Variants in TMEM135 observed in about 807,000 individuals in gnomAD.
TMEM135 encodes the protein transmembrane protein 135.
In TMEM135, 30 loss-of-function variants were observed where a neutral mutation model predicts 60.3. The observed-to-expected ratio is 0.50, with a 90% CI of 0.37 to 0.68. The LOEUF (loss-of-function observed/expected upper bound fraction) is 0.68. TMEM135 is among the 30% of genes least tolerant of loss of function. The pLI, the probability that TMEM135 is intolerant of heterozygous loss-of-function variation, is 0.00. For synonymous variants in TMEM135, 190 were observed against 186.7 expected, an observed-to-expected ratio of 1.02 and a Z score of -0.14; for missense variants, 468 against 548.8, an observed-to-expected ratio of 0.85 and a Z score of 1.47.
At chr11:87,140,589 T>C (rs950380213) in intron 4 of TMEM135, among the ~76,000 whole-genome samples, 2 of 152,188 alleles carry the variant, frequency 1.3e-5, no homozygotes, top group African/African-American at 4.8e-5. Context: ...AAGAAGCACA[T>C]GTGGGATAGG....
At position 87,189,229 on chromosome 11, in the gene TMEM135, C is replaced by T. The variant is rs187306066; in HGVS notation, c.462+31823C>T. 2.7e-5 allele frequency among the ~76,000 whole-genome samples: 4 copies of T among 150,056 alleles called. No individual in the cohort carries two copies. In the East Asian group the frequency reaches 5.9e-4, roughly 22 times the overall value. On this transcript the variant is annotated intron_variant, in intron 5 of 14. Coordinates refer to ENST00000305494, the MANE Select transcript of TMEM135 (RefSeq NM_022918.4). ...AGGCTGGAGTACAGTGGTGTGATCT[C>T]GGCTCACTGCAACCTCTGCTTCCCG...
At chr11:87,210,461 C>G (rs559468906) in intron 5 of TMEM135, among the ~76,000 whole-genome samples, 1 of 152,100 alleles carries the variant, frequency 6.6e-6, no homozygotes, top group African/African-American at 2.4e-5. Flanking sequence ...AAGATTGAAC[C>G]AAGAAGAAAT....
chr11:87,209,077 G>T (rs1322571351), intron 5 of TMEM135, among the ~76,000 whole-genome samples: 2 of 152,130 alleles, frequency 1.3e-5, no homozygotes, highest in South Asian at 2.1e-4. Context: ...ACATGGAAAA[G>T]AAAGAAAGAT....
At chr11:87,147,092 CAG>C (rs933051922) in intron 4 of TMEM135, among the ~76,000 whole-genome samples, 1 of 152,104 alleles carries the variant, frequency 6.6e-6, no homozygotes, top group Non-Finnish European at 1.5e-5. Flanking sequence ...GAAGCCGAGA[CAG>C]GGGGATCACC....
Position 87,045,476 on chromosome 11 carries a change from A to C in TMEM135, c.141+7290A>C, listed in dbSNP as rs925895832. Among the ~76,000 whole-genome samples the C allele has an allele frequency of 2.0e-5, 3 of 151,558 alleles. No individual in the cohort carries two copies. In the South Asian group the frequency reaches 6.2e-4, roughly 31 times the overall value. The stretch of plus-strand genomic sequence containing the variant: ...TTCTCAACTCACTGTTTTCTGTAGC[A>C]GCTAACTCTGAGTAGAGCAGGCCAA... On this transcript the variant is annotated intron_variant, in intron 1 of 14. Coordinates refer to ENST00000305494, the MANE Select transcript of TMEM135 (RefSeq NM_022918.4).
chr11:87,041,617 G>C (rs911580050), intron 1 of TMEM135, among the ~76,000 whole-genome samples: 7 of 152,130 alleles, frequency 4.6e-5, no homozygotes, highest in Non-Finnish European at 7.4e-5. Context: ...TTTAAGGTCT[G>C]TTGTGAGGAG....
At chr11:87,266,776 G>A (rs181065278) in intron 6 of TMEM135, among the ~76,000 whole-genome samples, 5 of 152,168 alleles carry the variant, frequency 3.3e-5, no homozygotes, top group Admixed American at 1.3e-4. Context: ...AGGGTCAAAG[G>A]CCTGAAGAGA....
intron 4 of TMEM135, among the ~76,000 whole-genome samples, chr11:87,131,644 G>T (rs571205818): frequency 6.6e-6 from 1 of 152,258 alleles, no homozygotes; most frequent in South Asian, 2.1e-4. Context: ...TACCTGATTT[G>T]TGATCCTGAG....
intron 3 of TMEM135, among the ~76,000 whole-genome samples, chr11:87,086,610 G>A (rs1366625926): frequency 6.6e-6 from 1 of 151,902 alleles, no homozygotes; most frequent in African/African-American, 2.4e-5. Flanking sequence ...CCTCAGAATA[G>A]GGAAGTGCTT....
chr11:87,180,018 G>T (rs1939475005), intron 5 of TMEM135, among the ~76,000 whole-genome samples: 1 of 151,762 alleles, frequency 6.6e-6, no homozygotes, highest in Non-Finnish European at 1.5e-5. Flanking sequence ...TCTTATTCTT[G>T]GTCTGCACAA....
intron 6 of TMEM135, among the ~76,000 whole-genome samples, chr11:87,282,397 T>C (rs1392611191): frequency 6.6e-6 from 1 of 152,056 alleles, no homozygotes; most frequent in African/African-American, 2.4e-5. Context: ...CCCAAGTAGC[T>C]GAGATTACAG....
chr11:87,240,972 G>GC (rs1565498169), intron 6 of TMEM135, among the ~76,000 whole-genome samples: 1 of 152,116 alleles, frequency 6.6e-6, no homozygotes, highest in Non-Finnish European at 1.5e-5. Context: ...TCAACATTGT[G>GC]CAGCATGGCA....
intron 7 of TMEM135, among the ~76,000 whole-genome samples, chr11:87,300,619 T>C (rs116013046): frequency 0.036 from 5,485 of 152,360 alleles, 94 homozygotes; most frequent in Admixed American, 0.046. Flanking sequence ...TCGTATAAGA[T>C]ATGCTCAGAA....
At chr11:87,244,991 G>T (rs1941231679) in intron 6 of TMEM135, among the ~76,000 whole-genome samples, 1 of 151,484 alleles carries the variant, frequency 6.6e-6, no homozygotes, top group South Asian at 2.1e-4. Flanking sequence ...GGCATTTAGT[G>T]CTATAAATTT....
intron 13 of TMEM135, among the ~76,000 whole-genome samples, chr11:87,318,817 T>C (rs1942774299): frequency 6.6e-6 from 1 of 152,024 alleles, no homozygotes. Context: ...TCTCAGTAAA[T>C]GCTTCCTGAT....
At chr11:87,183,994 G>A (rs371936361) in intron 5 of TMEM135, among the ~76,000 whole-genome samples, 12 of 142,654 alleles carry the variant, frequency 8.4e-5, no homozygotes, top group African/African-American at 3.1e-4. Context: ...AGAGTTAAAC[G>A]AATATTTACC....
chr11:87,177,126 G>A (rs622921), intron 5 of TMEM135, among the ~76,000 whole-genome samples: 33,270 of 151,984 alleles, frequency 0.22, 4,239 homozygotes, highest in East Asian at 0.54. Flanking sequence ...AGCACATAGG[G>A]CATTGGCTAA....
intron 5 of TMEM135, among the ~76,000 whole-genome samples, chr11:87,222,002 C>CCTGGCTAACACGGT (rs1296930435): frequency 6.6e-6 from 1 of 151,598 alleles, no homozygotes; most frequent in African/African-American, 2.4e-5. Context: ...TCGAGACCAT[C>CCTGGCTAACACGGT]GAAACCCCGT....
intron 5 of TMEM135, among the ~76,000 whole-genome samples, chr11:87,181,201 A>G (rs115845852): frequency 1.1e-3 from 172 of 152,312 alleles, no homozygotes; most frequent in African/African-American, 4.0e-3. Flanking sequence ...AATGTTCTAG[A>G]TGAGTTCAAC....
Sources: gnomAD v4.1 joint callset for allele counts (sites outside exome capture counted in the v4.1 genomes callset) on GRCh38, gnomAD v4.1.1 for gene constraint, MANE v1.5 for transcripts, NCBI Gene and HGNC (gene_info 2026-07-23, HGNC 2026-07-21) for gene names.